The following AKR1E2 variants were observed in gnomAD, a reference collection of about 807,000 sequenced individuals.
AKR1E2 encodes the protein aldo-keto reductase family 1 member E2.
In AKR1E2, 43 loss-of-function variants were observed where a neutral mutation model predicts 41.9. The observed-to-expected ratio is 1.03, with a 90% CI of 0.80 to 1.32. AKR1E2 has a LOEUF of 1.32. Ranked by LOEUF, AKR1E2 falls within the 40% of genes most tolerant of loss-of-function variation. AKR1E2 has a pLI of 0.00. For synonymous variants in AKR1E2, 121 were observed against 138.9 expected (o/e 0.87, Z 0.91); for missense variants, 423 against 396.5 (o/e 1.07, Z -0.57).
intron 1 of AKR1E2, 119 bp downstream of exon 1, chr10:4,826,482 C>G: frequency 4.2e-6 from 4 of 957,510 alleles, no homozygotes; most frequent in Non-Finnish European, 5.4e-6. Context: ...TCCGCCTGGC[C>G]GACGCCCGGG....
At chr10:4,866,639 G>GTT in the AKR1E2 span, among the ~76,000 whole-genome samples, 951 of 107,608 alleles carry the variant, frequency 8.8e-3, 47 homozygotes, top group East Asian at 0.011. Context: ...TTTTGTTTTT[G>GTT]TTTTTGTTTT....
the AKR1E2 span, among the ~76,000 whole-genome samples, chr10:4,867,955 T>C: frequency 1.3e-5 from 2 of 152,120 alleles, no homozygotes; most frequent in South Asian, 4.1e-4. Flanking sequence ...ATATATATAC[T>C]GCCCCCAGAG....
intron 8 of AKR1E2, chr10:4,845,646 G>A (rs1306883165): frequency 2.2e-6 from 1 of 447,494 alleles, no homozygotes; most frequent in Non-Finnish European, 4.6e-6. Context: ...GCAGGTGGCA[G>A]GGGGCCACAT....
the AKR1E2 span, among the ~76,000 whole-genome samples, chr10:4,869,981 T>C: frequency 7.9e-5 from 12 of 152,036 alleles, no homozygotes; most frequent in African/African-American, 2.9e-4. Flanking sequence ...ATTATGTGAT[T>C]TGGGAATTTG....
the AKR1E2 span, chr10:4,871,754 T>G: frequency 2.0e-5 from 3 of 152,304 alleles, no homozygotes; most frequent in African/African-American, 7.2e-5. Flanking sequence ...TACTTTTATT[T>G]TCTGATCCGG....
At position 4,833,385 on chromosome 10, in the gene AKR1E2, A is replaced by G. The variant is rs1169804711; in HGVS notation, c.243A>G (p.Glu81=). 6.2e-7 allele frequency: 1 copy of G among 1,614,186 alleles called. No homozygotes were observed. Among genetic ancestry groups the G allele is most frequent in the South Asian group, 1.1e-5 (1 of 91,080 alleles). ...CCTGCCATAAGAAGTCCTTGGTGGA[A>G]ACAGCATGCAGAAAGAGTCTCAAGG... is the stretch of plus-strand genomic sequence containing the variant. ...WCTCHKKSLV[E]TACRKSLKAL... is the part of the protein sequence containing the mutation. The change falls in exon 3 of 10, where the codon GAA becomes GAG. Residue 81 remains glutamate (E), a synonymous_variant. Transcript: ENST00000298375.
chr10:4,859,177 T>C, the AKR1E2 span, among the ~76,000 whole-genome samples: 1 of 152,340 alleles, frequency 6.6e-6, no homozygotes, highest in South Asian at 2.1e-4. Context: ...TTTGTCACAA[T>C]TTATTCATTT....
At chr10:4,870,102 A>G in the AKR1E2 span, among the ~76,000 whole-genome samples, 3 of 152,046 alleles carry the variant, frequency 2.0e-5, no homozygotes, top group Non-Finnish European at 4.4e-5. Context: ...TTCTCTTTGT[A>G]TAGCATTGGT....
chr10:4,851,487 G>A (rs573896068), downstream of AKR1E2, among the ~76,000 whole-genome samples: 2 of 152,294 alleles, frequency 1.3e-5, no homozygotes, highest in South Asian at 2.1e-4. Context: ...TTGAACACAT[G>A]GAGAACAAGG....
intron 2 of AKR1E2, 107 bp downstream of exon 2, chr10:4,830,949 G>T: frequency 7.4e-7 from 1 of 1,358,570 alleles, no homozygotes; most frequent in South Asian, 1.4e-5. Flanking sequence ...TACTCAAATC[G>T]GAATAAACAA....
chr10:4,832,850 T>C (rs939315326), intron 2 of AKR1E2, among the ~76,000 whole-genome samples: 2 of 152,226 alleles, frequency 1.3e-5, no homozygotes, highest in South Asian at 4.1e-4. Context: ...CACAAGTTTT[T>C]CTACATAATG....
the AKR1E2 span, among the ~76,000 whole-genome samples, chr10:4,857,286 G>A: frequency 6.6e-6 from 1 of 152,174 alleles, no homozygotes; most frequent in Non-Finnish European, 1.5e-5. Context: ...CCTGGTGGGA[G>A]GTGATTGGAT....
At chr10:4,869,426 C>T in the AKR1E2 span, among the ~76,000 whole-genome samples, 3 of 151,960 alleles carry the variant, frequency 2.0e-5, no homozygotes, top group African/African-American at 7.2e-5. Flanking sequence ...TTTTTTATGT[C>T]AGTCTTGCTA....
chr10:4,869,081 C>G, the AKR1E2 span, among the ~76,000 whole-genome samples: 1 of 152,068 alleles, frequency 6.6e-6, no homozygotes, highest in Non-Finnish European at 1.5e-5. Flanking sequence ...GTTCCCTCCT[C>G]TTTTGTTTTC....
At position 4,830,781 on chromosome 10, in the gene AKR1E2, G is replaced by T. The variant is rs61745192; in HGVS notation, c.146G>T (p.Gly49Val). ...CACAATGAGAGGGAGGTTGGAGCAG[G>T]GATCCGTTGCAAGATCAAGGAAGGC... ...FYHNEREVGA[G>V]IRCKIKEGAV... The change falls in exon 2 of 10, where the codon GGG becomes GTG. Residue 49 changes from glycine (G) to valine (V), a missense_variant. Gly to Val is a moderately radical substitution (Grantham distance 109, BLOSUM62 -3). Transcript: ENST00000298375. 90 of 1,614,108 alleles carry T rather than the reference G, an allele frequency of 5.6e-5. No individual in the cohort carries two copies. The African/African-American group carries it at 1.1e-3, about 20-fold the overall frequency.
At chr10:4,828,312 A>G (rs956313033) in intron 1 of AKR1E2, among the ~76,000 whole-genome samples, 2 of 152,198 alleles carry the variant, frequency 1.3e-5, no homozygotes, top group Non-Finnish European at 2.9e-5. Context: ...CTGAAGCACA[A>G]GAGAGCAAGG....
intron 8 of AKR1E2, 151 bp from the exon 9 acceptor site, chr10:4,846,997 G>GAA: frequency 1.2e-6 from 1 of 806,456 alleles, no homozygotes; most frequent in South Asian, 2.0e-5. Context: ...AATCCAGGCT[G>GAA]TGATTCAGGG....
At chr10:4,849,161 C>T (rs923047959), downstream of AKR1E2, among the ~76,000 whole-genome samples, 1 of 152,134 alleles carries the variant, frequency 6.6e-6, no homozygotes, top group African/African-American at 2.4e-5. Flanking sequence ...GGTGGGGTGT[C>T]ATGGTTTGAC....
chr10:4,847,435 T>TA, intron 9 of AKR1E2, 53 bp from the exon 10 acceptor site: 4 of 1,597,372 alleles, frequency 2.5e-6, no homozygotes, highest in Non-Finnish European at 3.4e-6. Flanking sequence ...ATGTTTCTCT[T>TA]AAAAAATAAT....
Sources: allele counts gnomAD v4.1 joint callset (sites outside exome capture counted in the v4.1 genomes callset), GRCh38; gene constraint gnomAD v4.1.1; transcripts MANE v1.5; gene names NCBI Gene and HGNC (gene_info 2026-07-23, HGNC 2026-07-21).